The following KCNN2 variants were observed in gnomAD, a reference collection of about 807,000 sequenced individuals.
The protein encoded by KCNN2 is potassium calcium-activated channel subfamily N member 2.
Under a neutral mutation model 55.5 loss-of-function variants are expected in KCNN2, and 24 were observed. That is an observed-to-expected ratio of 0.43 (90% confidence interval 0.31 to 0.61). The LOEUF (loss-of-function observed/expected upper bound fraction) is 0.61, where lower values mean the gene tolerates loss of function less well. Among genes scored for constraint, KCNN2 ranks in the 20% least tolerant of loss-of-function variants. KCNN2 has a pLI of 0.08. For synonymous variants in KCNN2, 431 were observed against 336.1 expected, an observed-to-expected ratio of 1.28 and a Z score of -3.09; for missense variants, 754 against 853.6, an observed-to-expected ratio of 0.88 and a Z score of 1.45.
intron 2 of KCNN2, among the ~76,000 whole-genome samples, chr5:114,321,318 A>G (rs1269354463): frequency 6.6e-6 from 1 of 152,168 alleles, no homozygotes; most frequent in East Asian, 1.9e-4. Context: ...CCAAACTCCA[A>G]GACTCCCAAG....
At chr5:114,182,335 C>A (rs191063792) in intron 1 of KCNN2, among the ~76,000 whole-genome samples, 3 of 151,780 alleles carry the variant, frequency 2.0e-5, no homozygotes, top group East Asian at 3.9e-4. Context: ...AGTCCTTGAA[C>A]CTTATCTTTT....
intron 1 of KCNN2, among the ~76,000 whole-genome samples, chr5:114,108,912 A>AT (rs1437545796): frequency 6.6e-6 from 1 of 152,076 alleles, no homozygotes; most frequent in Non-Finnish European, 1.5e-5. Context: ...CATAAGATAG[A>AT]TGTACATTTG....
intron 2 of KCNN2, among the ~76,000 whole-genome samples, chr5:114,395,031 A>T (rs558529626): frequency 2.6e-5 from 4 of 152,282 alleles, no homozygotes; most frequent in Admixed American, 6.5e-5. Flanking sequence ...TTGCTGAGCA[A>T]TGCCCTGGAT....
In KCNN2 at chr5:114,322,477, A is replaced by C. The variant is rs902197478; in HGVS notation, c.-184-38468A>C. Among the ~76,000 whole-genome samples the C allele has an allele frequency of 2.6e-5, 4 of 152,150 alleles. No individual in the cohort carries two copies. The South Asian group carries it at 8.3e-4, about 31-fold the overall frequency. On this transcript the variant is annotated intron_variant, in intron 2 of 10. Coordinates refer to the KCNN2 transcript ENST00000512097. ...TATGTGAAAACACTAATTACAGTTC[A>C]AAGATTATAAATAAAATATGTTCAT...
At chr5:114,281,114 C>G (rs762624531) in intron 2 of KCNN2, among the ~76,000 whole-genome samples, 10 of 152,142 alleles carry the variant, frequency 6.6e-5, no homozygotes, top group Non-Finnish European at 1.0e-4. Context: ...TCATCCATTG[C>G]TCTTTGTCCT....
intron 1 of KCNN2, among the ~76,000 whole-genome samples, chr5:114,121,491 G>C (rs947955647): frequency 6.6e-6 from 1 of 152,094 alleles, no homozygotes; most frequent in Non-Finnish European, 1.5e-5. Context: ...ACTGGCTCTT[G>C]CTTACCCATG....
chr5:114,267,436 C>A (rs187104651), intron 2 of KCNN2, among the ~76,000 whole-genome samples: 2 of 152,178 alleles, frequency 1.3e-5, no homozygotes, highest in East Asian at 1.9e-4. Context: ...GCTGGGGGAA[C>A]TTTTGAGTAT....
At chr5:114,293,706 T>C (rs1755945807) in intron 2 of KCNN2, among the ~76,000 whole-genome samples, 1 of 152,238 alleles carries the variant, frequency 6.6e-6, no homozygotes, top group South Asian at 2.1e-4. Context: ...GCTGGCCTCA[T>C]AAAATGCGTT....
At chr5:114,189,571 A>G (rs575037991) in intron 1 of KCNN2, among the ~76,000 whole-genome samples, 1 of 152,328 alleles carries the variant, frequency 6.6e-6, no homozygotes, top group South Asian at 2.1e-4. Context: ...ATTAACACAT[A>G]AATACATAAA....
At chr5:114,183,208 T>C (rs1025321659) in intron 1 of KCNN2, among the ~76,000 whole-genome samples, 10 of 152,130 alleles carry the variant, frequency 6.6e-5, no homozygotes, top group Admixed American at 2.0e-4. Context: ...CCATCTGGCA[T>C]TTCTGGAATA....
At chr5:114,484,064 C>T (rs960125091) in intron 5 of KCNN2, among the ~76,000 whole-genome samples, 6 of 152,076 alleles carry the variant, frequency 3.9e-5, no homozygotes, top group African/African-American at 9.7e-5. Flanking sequence ...TTGATAAATA[C>T]GTGTTAGTGT....
intron 1 of KCNN2, among the ~76,000 whole-genome samples, chr5:114,158,243 G>C (rs1281939655): frequency 6.6e-6 from 1 of 152,116 alleles, no homozygotes; most frequent in Non-Finnish European, 1.5e-5. Context: ...TTTCCCAGCA[G>C]CATTTGTTAA....
At chr5:114,430,182 T>C (rs2150086319) in intron 3 of KCNN2, among the ~76,000 whole-genome samples, 1 of 152,176 alleles carries the variant, frequency 6.6e-6, no homozygotes, top group South Asian at 2.1e-4. Context: ...GTAATTTTGG[T>C]TGGGATTGCA....
At chr5:114,419,432 A>C (rs1462310821) in intron 3 of KCNN2, among the ~76,000 whole-genome samples, 1 of 152,244 alleles carries the variant, frequency 6.6e-6, no homozygotes. Context: ...TGATATTTTC[A>C]ATTACAAAGC....
chr5:114,401,825 A>G (rs541035499), intron 2 of KCNN2, among the ~76,000 whole-genome samples: 1 of 152,340 alleles, frequency 6.6e-6, no homozygotes, highest in South Asian at 2.1e-4. Flanking sequence ...GTAGAATAGT[A>G]GGCAATGAAG....
intron 3 of KCNN2, among the ~76,000 whole-genome samples, chr5:114,429,961 G>C (rs912449661): frequency 9.9e-5 from 15 of 150,832 alleles, no homozygotes; most frequent in African/African-American, 3.7e-4. Context: ...TTTCTACCTC[G>C]CCTATTCTGT....
intron 1 of KCNN2, among the ~76,000 whole-genome samples, chr5:114,153,930 A>G (rs1752576783): frequency 6.6e-6 from 1 of 152,018 alleles, no homozygotes; most frequent in South Asian, 2.1e-4. Flanking sequence ...GTTTCTCTCA[A>G]GGTGATTTTC....
intron 1 of KCNN2, among the ~76,000 whole-genome samples, chr5:114,150,180 C>G (rs1277385384): frequency 6.6e-6 from 1 of 152,160 alleles, no homozygotes; most frequent in African/African-American, 2.4e-5. Flanking sequence ...TAATCAGGAA[C>G]ATTTCGTCTT....
intron 2 of KCNN2, among the ~76,000 whole-genome samples, chr5:114,313,048 C>T (rs1477886294): frequency 2.0e-5 from 3 of 152,064 alleles, no homozygotes. Flanking sequence ...GAATATTAGT[C>T]TGAGTCTCTG....
Sources: gnomAD v4.1 joint callset for allele counts (sites outside exome capture counted in the v4.1 genomes callset) on GRCh38, gnomAD v4.1.1 for gene constraint, MANE v1.5 for transcripts, NCBI Gene and HGNC (gene_info 2026-07-23, HGNC 2026-07-21) for gene names.